PARP16: variants seen among roughly 807,000 people sequenced by gnomAD.
The protein encoded by PARP16 is protein mono-ADP-ribosyltransferase PARP16.
A neutral mutation model predicts 35.0 loss-of-function variants in PARP16; 31 were observed. The ratio of observed to expected loss-of-function variants is 0.88; its 90% confidence interval spans 0.66 to 1.19. PARP16 has a LOEUF of 1.19. PARP16 is among the 50% of genes most tolerant of loss of function. The probability of loss-of-function intolerance (pLI) is 0.00; values close to 1 mark genes in which losing one functional copy is unlikely to be tolerated. For synonymous variants in PARP16, 162 were observed against 169.5 expected, an observed-to-expected ratio of 0.96 and a Z score of 0.34; for missense variants, 424 against 411.2, an observed-to-expected ratio of 1.03 and a Z score of -0.27.
chr15:65,243,351 A>T (rs569525165), intron 3 of PARP16, among the ~76,000 whole-genome samples: 7 of 152,060 alleles, frequency 4.6e-5, no homozygotes, highest in Middle Eastern at 6.8e-3. Context: ...CCCAGGCTCA[A>T]GTGGTCCTCC....
intron 3 of PARP16, among the ~76,000 whole-genome samples, chr15:65,236,999 A>G (rs1473276839): frequency 2.0e-5 from 3 of 151,848 alleles, no homozygotes; most frequent in Non-Finnish European, 4.4e-5. Context: ...AAAAAAAAAG[A>G]AAAAAGGTGT....
intron 3 of PARP16, among the ~76,000 whole-genome samples, chr15:65,241,954 GT>G: frequency 6.6e-6 from 1 of 152,158 alleles, no homozygotes; most frequent in South Asian, 2.1e-4. Context: ...CCAACCTAAG[GT>G]TATAAAGATT....
chr15:65,282,710 T>G (rs2090456774), intron 1 of PARP16: 1 of 152,184 alleles, frequency 6.6e-6, no homozygotes, highest in African/African-American at 2.4e-5. Context: ...AGGGTAACTA[T>G]CTGGGACTGG....
downstream of PARP16, among the ~76,000 whole-genome samples, chr15:65,253,403 T>A (rs917515381): frequency 6.6e-6 from 1 of 150,786 alleles, no homozygotes; most frequent in Non-Finnish European, 1.5e-5. Context: ...GGATCTCGGC[T>A]CACTGCAAGC....
At chr15:65,241,710 A>G (rs1191395875) in intron 3 of PARP16, among the ~76,000 whole-genome samples, 1 of 152,098 alleles carries the variant, frequency 6.6e-6, no homozygotes, top group African/African-American at 2.4e-5. Context: ...TATTGAGTGT[A>G]TATATTTTTA....
intron 1 of PARP16, among the ~76,000 whole-genome samples, chr15:65,280,105 T>C (rs1178272282): frequency 6.6e-6 from 1 of 152,106 alleles, no homozygotes; most frequent in African/African-American, 2.4e-5. Flanking sequence ...ATATTCAATT[T>C]CCAATATGGA....
At chr15:65,247,017 G>A (rs2089226988) in intron 3 of PARP16, among the ~76,000 whole-genome samples, 2 of 151,924 alleles carry the variant, frequency 1.3e-5, no homozygotes, top group African/African-American at 2.4e-5. Context: ...CCAAGACAGG[G>A]TCTCGCTCTG....
intron 3 of PARP16, among the ~76,000 whole-genome samples, chr15:65,241,899 T>G (rs1213512382): frequency 6.6e-6 from 1 of 152,168 alleles, no homozygotes; most frequent in Non-Finnish European, 1.5e-5. Flanking sequence ...AGTTTTAAAT[T>G]TTAATGAAGT....
intron 2 of PARP16, among the ~76,000 whole-genome samples, chr15:65,251,303 C>G (rs1475086512): frequency 6.6e-6 from 1 of 152,164 alleles, no homozygotes; most frequent in Non-Finnish European, 1.5e-5. Context: ...CTATAGTTAA[C>G]AAAGGATTTA....
At chr15:65,266,127 C>T (rs1031532193) in intron 3 of PARP16, among the ~76,000 whole-genome samples, 1 of 152,002 alleles carries the variant, frequency 6.6e-6, no homozygotes, top group Non-Finnish European at 1.5e-5. Context: ...TGGGGTTTCA[C>T]CACGTTGGCC....
In PARP16 at chr15:65,258,306, G is replaced by A. The variant is rs184526345; in HGVS notation, c.*1101C>T. ...CAGAGAATACAGCAAGCAGGGCTCC[G>A]GCTCTCTGGGTGGCCAGAAGGCTTT... On this transcript the variant is annotated 3_prime_UTR_variant, in exon 6 of 6. Coordinates refer to ENST00000649807, the MANE Select transcript of PARP16 (RefSeq NM_001316943.2). The A allele has an allele frequency of 2.4e-4, 37 of 152,332 alleles. 1 individual carries two copies. Among genetic ancestry groups the A allele is most frequent in the African/African-American group, 8.9e-4 (37 of 41,564 alleles). The allele number at this position is 152,332 out of a possible 1,614,324, so 9.4% of individuals were successfully genotyped here.
rs112073529 is a variant in PARP16 at position 65,273,046 on chromosome 15, G to A, written c.175-1974C>T. On this transcript the variant is annotated intron_variant, in intron 1 of 5. Coordinates refer to ENST00000649807, the MANE Select transcript of PARP16 (RefSeq NM_001316943.2). ...TGTAATCCCAGCACTTTGGGAGGCT[G>A]AGGGGGGCGGGTCACGAGGTCAAGA... Among the ~76,000 whole-genome samples, 1,408 of 152,116 alleles carry A rather than the reference G, an allele frequency of 9.3e-3. 20 individuals are homozygous for A. Among genetic ancestry groups the A allele is most frequent in the African/African-American group, 0.033 (1,350 of 41,504 alleles).
At chr15:65,236,178 C>T (rs997868133) in intron 3 of PARP16, among the ~76,000 whole-genome samples, 1 of 152,048 alleles carries the variant, frequency 6.6e-6, no homozygotes, top group Non-Finnish European at 1.5e-5. Context: ...TGTTTTAAAC[C>T]CACCACATCT....
chr15:65,250,975 C>T (rs2089344361), intron 2 of PARP16, among the ~76,000 whole-genome samples: 1 of 152,154 alleles, frequency 6.6e-6, no homozygotes, highest in Non-Finnish European at 1.5e-5. Flanking sequence ...CCTTTGCCTC[C>T]CAGGTCCAAG....
chr15:65,254,620 TTG>T, downstream of PARP16, among the ~76,000 whole-genome samples: 1 of 152,072 alleles, frequency 6.6e-6, no homozygotes, highest in East Asian at 1.9e-4. Context: ...GGTCCTGTTT[TTG>T]TGTGAGCTAA....
intron 1 of PARP16, among the ~76,000 whole-genome samples, chr15:65,284,335 CTCTTT>C (rs1376632368): frequency 7.8e-6 from 1 of 127,520 alleles, no homozygotes; most frequent in Non-Finnish European, 1.6e-5. Flanking sequence ...ATTTTCTTTC[CTCTTT>C]TTTTTTTTTT....
rs143202151 is a variant in PARP16 at position 65,266,199 on chromosome 15, G to A, written c.519+363C>T. On this transcript the variant is annotated intron_variant, in intron 3 of 5. Coordinates refer to ENST00000649807, the MANE Select transcript of PARP16 (RefSeq NM_001316943.2). ...TGGGATTACAGGCGTGAGCCACTGCGCCAGGCCTGGCATCTGGGATTTTTA... is the reference window on the plus strand; with the variant it reads ...TGGGATTACAGGCGTGAGCCACTGCACCAGGCCTGGCATCTGGGATTTTTA... Among the ~76,000 whole-genome samples, 715 of 152,250 alleles carry A rather than the reference G, an allele frequency of 4.7e-3. 7 individuals carry two copies. Among genetic ancestry groups the A allele is most frequent in the Admixed American group, 0.015 (225 of 15,294 alleles).
At chr15:65,271,151 C>T in intron 1 of PARP16, 79 bp from the exon 2 acceptor site, 2 of 1,403,344 alleles carry the variant, frequency 1.4e-6, no homozygotes, top group Middle Eastern at 1.8e-4. Context: ...GGAAGGCAGG[C>T]AACGTTCACT....
At chr15:65,240,524 A>G (rs2140731984) in intron 3 of PARP16, among the ~76,000 whole-genome samples, 1 of 152,216 alleles carries the variant, frequency 6.6e-6, no homozygotes, top group African/African-American at 2.4e-5. Flanking sequence ...TGCCTGGCCT[A>G]TATACTCTTT....
Sources: allele counts gnomAD v4.1 joint callset (sites outside exome capture counted in the v4.1 genomes callset), GRCh38; gene constraint gnomAD v4.1.1; transcripts MANE v1.5; gene names NCBI Gene and HGNC (gene_info 2026-07-23, HGNC 2026-07-21).